The following OPHN1 variants were observed in gnomAD, a reference collection of about 807,000 sequenced individuals.
The protein encoded by OPHN1 is oligophrenin-1.
Under a neutral mutation model 60.7 loss-of-function variants are expected in OPHN1, and 11 were observed. That is an observed-to-expected ratio of 0.18 (90% CI 0.11 to 0.30). OPHN1 has a LOEUF of 0.30. Among genes scored for constraint, OPHN1 ranks in the 10% least tolerant of loss-of-function variants. The pLI is 1.00. For missense variants in OPHN1, 449 were observed against 611.0 expected (o/e 0.73, Z 2.80); for synonymous variants, 226 against 222.6 (o/e 1.02, Z -0.14).
intron 19 of OPHN1, among the ~76,000 whole-genome samples, chrX:68,087,672 T>C (rs1354619982): frequency 8.9e-6 from 1 of 112,022 alleles, no homozygotes; most frequent in Non-Finnish European, 1.9e-5. Flanking sequence ...AAATATCAGA[T>C]TGTACAAAAA....
At chrX:68,390,964 G>T (rs898872839) in intron 2 of OPHN1, among the ~76,000 whole-genome samples, 2 of 111,559 alleles carry the variant, frequency 1.8e-5, no homozygotes, top group African/African-American at 6.5e-5. Flanking sequence ...AAAGCTCTAG[G>T]GGAGAATTCA....
chrX:68,115,197 C>T (rs1313340335), intron 16 of OPHN1, among the ~76,000 whole-genome samples: 1 of 112,383 alleles, frequency 8.9e-6, no homozygotes, highest in East Asian at 2.8e-4. Context: ...ACCCATATCC[C>T]CTGTCCCTGT....
chrX:68,232,928 G>T (rs373347276), intron 6 of OPHN1, among the ~76,000 whole-genome samples: 195 of 98,505 alleles, frequency 2.0e-3, no homozygotes, highest in African/African-American at 7.7e-3. Flanking sequence ...CACAACTAAG[G>T]CTTTTTTTTT....
At position 68,214,121 on chromosome X, in the gene OPHN1, G is replaced by A; in HGVS notation, c.487-149C>T. The A allele has an allele frequency of 1.1e-5, 5 of 468,256 alleles. No homozygotes were observed. In the South Asian group the frequency reaches 1.6e-4, roughly 15 times the overall value. The allele number at this position is 468,256 out of a possible 1,213,427, so 38.6% of individuals were successfully genotyped here. On this transcript the variant is annotated intron_variant, in intron 6 of 24. Transcript: ENST00000355520. ...TTATTTTAGAAATAGAGAACCTAAA[G>A]CCAAGAGATAAAAAAGTGACTGATA...
At chrX:68,232,226 ACCC>A (rs2077731987) in intron 6 of OPHN1, among the ~76,000 whole-genome samples, 1 of 111,806 alleles carries the variant, frequency 8.9e-6, no homozygotes, top group South Asian at 3.8e-4. Context: ...CCAGAAGACC[ACCC>A]CAATTTTAAT....
intron 6 of OPHN1, among the ~76,000 whole-genome samples, chrX:68,229,748 A>T (rs1435415333): frequency 8.9e-6 from 1 of 112,555 alleles, no homozygotes; most frequent in Non-Finnish European, 1.9e-5. Context: ...CTTACACCTT[A>T]TACAAAAATT....
intron 2 of OPHN1, among the ~76,000 whole-genome samples, chrX:68,397,277 G>A (rs2078689503): frequency 9.0e-6 from 1 of 110,807 alleles, no homozygotes. Context: ...CACAGTGGCT[G>A]GCTAAAGGAT....
intron 15 of OPHN1, among the ~76,000 whole-genome samples, chrX:68,160,848 C>A (rs1353668059): frequency 2.7e-5 from 3 of 110,687 alleles, no homozygotes; most frequent in Non-Finnish European, 5.7e-5. Context: ...CACCTAACTT[C>A]TTACCTTAAG....
At chrX:68,090,272 G>A (rs1300975816) in intron 19 of OPHN1, among the ~76,000 whole-genome samples, 5 of 109,794 alleles carry the variant, frequency 4.6e-5, no homozygotes, top group African/African-American at 1.3e-4. Flanking sequence ...GTGTGTGTGT[G>A]TGTAGGTAGG....
intron 2 of OPHN1, among the ~76,000 whole-genome samples, chrX:68,349,590 G>A (rs996849633): frequency 2.7e-5 from 3 of 111,557 alleles, no homozygotes; most frequent in South Asian, 3.8e-4. Flanking sequence ...ATCATTCTAC[G>A]ATAAAGACAC....
At chrX:68,079,028 G>A (rs2076964790) in intron 19 of OPHN1, among the ~76,000 whole-genome samples, 1 of 99,975 alleles carries the variant, frequency 1.0e-5, no homozygotes, top group African/African-American at 3.9e-5. Flanking sequence ...AATAAATAAA[G>A]TAAACAACTT....
At chrX:68,177,531 T>C (rs990720492) in intron 15 of OPHN1, among the ~76,000 whole-genome samples, 1 of 81,181 alleles carries the variant, frequency 1.2e-5, no homozygotes, top group Non-Finnish European at 2.4e-5. Context: ...GATTGCATAA[T>C]TTAATTAAAA....
At chrX:68,193,420 C>G (rs1451800470) in intron 14 of OPHN1, among the ~76,000 whole-genome samples, 1 of 111,527 alleles carries the variant, frequency 9.0e-6, no homozygotes, top group Non-Finnish European at 1.9e-5. Context: ...CCAAGAAAGA[C>G]TAAAAAAACA....
Position 68,327,746 on chromosome X carries a change from C to G in OPHN1, c.155-28650G>C, listed in dbSNP as rs1221981830. Among the ~76,000 whole-genome samples the G allele has an allele frequency of 1.7e-4, 13 of 77,800 alleles. No individual in the cohort carries two copies. In the Admixed American group the frequency reaches 1.7e-3, roughly 10 times the overall value. 67.6% of individuals were successfully genotyped at this position (77,800 alleles called of 115,157 possible). A position where few individuals can be genotyped will look rare whatever the true frequency, so the allele number is the denominator to read the frequency against. On this transcript the variant is annotated intron_variant, in intron 2 of 24. Transcript: ENST00000355520. ...TGTCCTATGACCCTGCCAAATCCCC[C>G]TCTGCGAGAAACACCCAAGAATGAT...
intron 20 of OPHN1, 72 bp from the exon 21 acceptor site, chrX:68,064,249 A>T: frequency 9.7e-7 from 1 of 1,031,356 alleles, no homozygotes; most frequent in South Asian, 2.0e-5. Context: ...ATACATGCAT[A>T]CATACTTAAT....
chrX:68,338,439 A>G (rs1308267285), intron 2 of OPHN1, among the ~76,000 whole-genome samples: 1 of 112,201 alleles, frequency 8.9e-6, no homozygotes, highest in Non-Finnish European at 1.9e-5. Flanking sequence ...AATAACAGAA[A>G]TGTTAAGAAA....
chrX:68,349,889 TCA>T (rs1224292322), intron 2 of OPHN1, among the ~76,000 whole-genome samples: 7 of 107,038 alleles, frequency 6.5e-5, no homozygotes, highest in African/African-American at 2.4e-4. Flanking sequence ...GAGGGGAACA[TCA>T]CACACTCGGG....
intron 11 of OPHN1, among the ~76,000 whole-genome samples, chrX:68,198,391 C>A (rs1488220160): frequency 9.0e-6 from 1 of 111,483 alleles, no homozygotes; most frequent in African/African-American, 3.3e-5. Flanking sequence ...GCTTGGACTT[C>A]CAGCTTCTAG....
At chrX:68,096,816 G>A in intron 19 of OPHN1, 54 bp downstream of exon 19, 1 of 1,147,648 alleles carries the variant, frequency 8.7e-7, no homozygotes, top group Non-Finnish European at 1.2e-6. Context: ...AAAGGCAGTT[G>A]GGGGAAAGTG....
Sources: allele counts gnomAD v4.1 joint callset (sites outside exome capture counted in the v4.1 genomes callset), GRCh38; gene constraint gnomAD v4.1.1; transcripts MANE v1.5; gene names NCBI Gene and HGNC (gene_info 2026-07-23, HGNC 2026-07-21).